The following BLTP1 variants were observed in gnomAD, a reference collection of about 807,000 sequenced individuals.
The protein encoded by BLTP1 is fragile site-associated protein.
chr4:122,186,550 A>G, the BLTP1 span, among the ~76,000 whole-genome samples: 1 of 151,876 alleles, frequency 6.6e-6, no homozygotes, highest in Non-Finnish European at 1.5e-5. Flanking sequence ...AAAATACATG[A>G]TTTTGTTCTG....
At chr4:122,242,405 G>A in the BLTP1 span, among the ~76,000 whole-genome samples, 3 of 152,266 alleles carry the variant, frequency 2.0e-5, no homozygotes, top group African/African-American at 4.8e-5. Context: ...GATTTCACTC[G>A]TAGAATCTAA....
chr4:122,239,582 A>G, the BLTP1 span: 27 of 1,613,868 alleles, frequency 1.7e-5, no homozygotes, highest in East Asian at 4.5e-5. Context: ...CAGTAGGTCA[A>G]TCTCCTCTTA....
At chr4:122,322,910 A>T in the BLTP1 span, among the ~76,000 whole-genome samples, 1 of 151,958 alleles carries the variant, frequency 6.6e-6, no homozygotes, top group African/African-American at 2.4e-5. Flanking sequence ...TGTTTTTTCA[A>T]AATGTTTCCT....
At chr4:122,195,264 A>G in the BLTP1 span, among the ~76,000 whole-genome samples, 2,125 of 152,344 alleles carry the variant, frequency 0.014, 51 homozygotes, top group African/African-American at 0.047. Context: ...TGTCAGTTCT[A>G]CTACCTTTAC....
At chr4:122,192,657 TC>T in the BLTP1 span, among the ~76,000 whole-genome samples, 2 of 152,248 alleles carry the variant, frequency 1.3e-5, no homozygotes, top group Non-Finnish European at 2.9e-5. Flanking sequence ...CATTTTTTTT[TC>T]TTTTGGATTT....
At chr4:122,304,307 G>T in the BLTP1 span, among the ~76,000 whole-genome samples, 43 of 152,122 alleles carry the variant, frequency 2.8e-4, no homozygotes, top group African/African-American at 1.0e-3. Flanking sequence ...CGACTCCCTG[G>T]TTCAAGCTAT....
the BLTP1 span, chr4:122,328,412 C>A: frequency 6.7e-7 from 1 of 1,484,186 alleles, no homozygotes; most frequent in South Asian, 1.2e-5. Context: ...TAGAAATGAG[C>A]ACAAAATGTT....
At chr4:122,293,011 C>T in the BLTP1 span, 1 of 889,872 alleles carries the variant, frequency 1.1e-6, no homozygotes, top group Non-Finnish European at 1.3e-6. Flanking sequence ...TAGGAAATAA[C>T]CTCCTTAATA....
chr4:122,220,131 G>T, the BLTP1 span: 1 of 173,382 alleles, frequency 5.8e-6, no homozygotes. Flanking sequence ...CAGTGGGGTG[G>T]TGGGGCCGGT....
chr4:122,231,927 C>A, the BLTP1 span: 1 of 747,982 alleles, frequency 1.3e-6, no homozygotes, highest in Non-Finnish European at 1.6e-6. Context: ...GACATATATC[C>A]GAGTATGAAA....
the BLTP1 span, chr4:122,237,117 ATGACTCT>A: frequency 2.0e-6 from 2 of 984,546 alleles, no homozygotes; most frequent in Non-Finnish European, 2.4e-6. Flanking sequence ...TTTTAGGTTT[ATGACTCT>A]TACCCCTTGA....
At chr4:122,263,374 A>G in the BLTP1 span, 4 of 1,457,610 alleles carry the variant, frequency 2.7e-6, no homozygotes, top group Non-Finnish European at 3.6e-6. Flanking sequence ...AAATATAGGT[A>G]TATAAATTAC....
chr4:122,334,484 T>G, the BLTP1 span: 1 of 1,612,792 alleles, frequency 6.2e-7, no homozygotes, highest in Non-Finnish European at 8.5e-7. Flanking sequence ...CTCCTTTACC[T>G]TCCACTGTCC....
the BLTP1 span, chr4:122,336,380 C>T: frequency 6.9e-7 from 1 of 1,439,944 alleles, no homozygotes; most frequent in Non-Finnish European, 9.5e-7. Context: ...TATACCTCCC[C>T]ATAACATATA....
At chr4:122,179,965 A>G in the BLTP1 span, 1 of 984,876 alleles carries the variant, frequency 1.0e-6, no homozygotes, top group Non-Finnish European at 1.2e-6. Flanking sequence ...ATAAACAAGT[A>G]TCCCTCCAAA....
the BLTP1 span, chr4:122,236,650 T>A: frequency 1.8e-6 from 1 of 550,564 alleles, no homozygotes; most frequent in South Asian, 8.1e-5. Context: ...TTATAAAGAT[T>A]GCTTGATTTT....
chr4:122,183,697 T>G, the BLTP1 span, among the ~76,000 whole-genome samples: 1 of 152,200 alleles, frequency 6.6e-6, no homozygotes. Context: ...AAGTATTAGT[T>G]ATTTCCAAGT....
the BLTP1 span, chr4:122,272,480 C>T: frequency 7.9e-7 from 1 of 1,262,098 alleles, no homozygotes; most frequent in South Asian, 1.7e-5. Context: ...AAACCACTGC[C>T]ATGTCTCCAA....
the BLTP1 span, chr4:122,310,899 C>T: frequency 1.1e-6 from 1 of 923,408 alleles, no homozygotes; most frequent in South Asian, 5.0e-5. Flanking sequence ...AATACTCATG[C>T]CTATTATCCA....
Sources: allele counts gnomAD v4.1 joint callset (sites outside exome capture counted in the v4.1 genomes callset), GRCh38; gene constraint gnomAD v4.1.1; transcripts MANE v1.5; gene names NCBI Gene and HGNC (gene_info 2026-07-23, HGNC 2026-07-21).